Variants in PCDHA7 observed in about 807,000 individuals in gnomAD.
PCDHA7 encodes protocadherin alpha-7.
PCDHA7 carries 37 observed loss-of-function variants against 57.2 expected under a neutral mutation model. That is an observed-to-expected ratio of 0.65 (90% CI 0.50 to 0.85). The LOEUF (loss-of-function observed/expected upper bound fraction) is 0.85, where lower values mean the gene tolerates loss of function less well. Ranked by LOEUF, PCDHA7 falls within the 40% of genes least tolerant of loss-of-function variation. The pLI is 0.00. For synonymous variants in PCDHA7, 553 were observed against 558.8 expected, an observed-to-expected ratio of 0.99 and a Z score of 0.15; for missense variants, 1,188 against 1,241.8, an observed-to-expected ratio of 0.96 and a Z score of 0.65.
At chr5:140,982,713 A>G (rs2096998735) in intron 3 of PCDHA7, 150 bp downstream of exon 3, 2 of 1,373,774 alleles carry the variant, frequency 1.5e-6, no homozygotes, top group African/African-American at 1.5e-5. Flanking sequence ...CCTTACATAT[A>G]TGATTATTTT....
At chr5:140,922,386 T>G (rs1554200798) in intron 1 of PCDHA7, among the ~76,000 whole-genome samples, 1 of 152,194 alleles carries the variant, frequency 6.6e-6, no homozygotes, top group African/African-American at 2.4e-5. Context: ...AACCAAAGAC[T>G]CCTTGTTTTG....
intron 1 of PCDHA7, chr5:140,870,482 C>A (rs1298357431): frequency 6.2e-7 from 1 of 1,614,126 alleles, no homozygotes; most frequent in Non-Finnish European, 8.5e-7. Flanking sequence ...CCCGAGTACA[C>A]CGTGTTCGTG....
intron 1 of PCDHA7, chr5:140,864,601 A>C (rs2048532983): frequency 6.6e-6 from 1 of 152,200 alleles, no homozygotes; most frequent in Non-Finnish European, 1.5e-5. Context: ...TCAGATAGCC[A>C]ACAACTTTGT....
chr5:140,983,378 G>A (rs782292944), intron 3 of PCDHA7, among the ~76,000 whole-genome samples: 1 of 152,162 alleles, frequency 6.6e-6, no homozygotes, highest in Non-Finnish European at 1.5e-5. Flanking sequence ...GAGGCCCATC[G>A]CTGTGGCAGT....
intron 1 of PCDHA7, chr5:140,870,414 G>T: frequency 6.2e-7 from 1 of 1,614,230 alleles, no homozygotes; most frequent in Non-Finnish European, 8.5e-7. Context: ...TGTGGGCCAC[G>T]GCCAGGGTAT....
chr5:140,938,295 A>G (rs1458865676), intron 1 of PCDHA7, among the ~76,000 whole-genome samples: 1 of 152,190 alleles, frequency 6.6e-6, no homozygotes, highest in Non-Finnish European at 1.5e-5. Context: ...GTCATTGCCT[A>G]TGAAATTCAG....
chr5:140,968,866 A>G, intron 1 of PCDHA7: 1 of 1,614,230 alleles, frequency 6.2e-7, no homozygotes, highest in Non-Finnish European at 8.5e-7. Flanking sequence ...GCCCTCGGAC[A>G]TACTCTGAAA....
intron 1 of PCDHA7, chr5:140,877,640 G>T: frequency 6.2e-7 from 1 of 1,613,622 alleles, no homozygotes. Flanking sequence ...GCGCTGCGTT[G>T]CTCAGCGCCG....
At chr5:141,007,325 C>G (rs1303133451) in intron 3 of PCDHA7, among the ~76,000 whole-genome samples, 2 of 145,322 alleles carry the variant, frequency 1.4e-5, no homozygotes, top group Non-Finnish European at 3.0e-5. Flanking sequence ...CTAAAGTGGA[C>G]AGATTGCCTG....
intron 1 of PCDHA7, chr5:140,871,711 T>C (rs1554165833): frequency 1.2e-6 from 1 of 815,266 alleles, no homozygotes; most frequent in Middle Eastern, 3.7e-4. Flanking sequence ...ATAAATGTCC[T>C]ATTTCTCTTA....
At chr5:140,973,697 C>G (rs1474916406) in intron 1 of PCDHA7, among the ~76,000 whole-genome samples, 1 of 152,226 alleles carries the variant, frequency 6.6e-6, no homozygotes, top group Non-Finnish European at 1.5e-5. Context: ...CTGTTTCCTT[C>G]TGACCCAGGA....
At chr5:140,856,271 G>A (rs782472888) in intron 1 of PCDHA7, 1 of 1,598,148 alleles carries the variant, frequency 6.3e-7, no homozygotes, top group Admixed American at 1.7e-5. Flanking sequence ...GGACCTTCTG[G>A]AGGTAAATCT....
At position 140,847,428 on chromosome 5, in the gene PCDHA7, C is replaced by T. The variant is rs1464927725; in HGVS notation, c.2355+10690C>T. ...AAACACTCACGGTTTTGCCTTTAGA[C>T]TTGAGATACACTAAAATCTAGATTT... On this transcript the variant is annotated intron_variant, in intron 1 of 3. Coordinates refer to ENST00000525929, the MANE Select transcript of PCDHA7 (RefSeq NM_018910.3). 2.7e-5 allele frequency: 4 copies of T among 149,590 alleles called. 2 individuals are homozygous for T. Among genetic ancestry groups the T allele is most frequent in the Non-Finnish European group, 6.0e-5 (4 of 66,914 alleles). The allele number at this position is 149,590 out of a possible 1,614,324, so 9.3% of individuals were successfully genotyped here.
intron 1 of PCDHA7, chr5:140,850,077 C>T: frequency 6.3e-7 from 1 of 1,596,450 alleles, no homozygotes. Context: ...CCACGAGGAG[C>T]TGGAGCTGCT....
At chr5:140,991,447 C>T (rs1554252191) in intron 3 of PCDHA7, among the ~76,000 whole-genome samples, 1 of 152,162 alleles carries the variant, frequency 6.6e-6, no homozygotes, top group African/African-American at 2.4e-5. Context: ...TGGCTTAAAA[C>T]AACACAATGT....
intron 1 of PCDHA7, chr5:140,966,633 C>G (rs2096029445): frequency 8.9e-6 from 9 of 1,005,802 alleles, no homozygotes; most frequent in Non-Finnish European, 5.4e-6. Flanking sequence ...CGGCCCCAGG[C>G]GCTTTCTAGA....
chr5:140,877,014 C>T, intron 1 of PCDHA7: 4 of 1,612,440 alleles, frequency 2.5e-6, no homozygotes, highest in Non-Finnish European at 2.5e-6. Flanking sequence ...ACGCGGAGAG[C>T]GGCAAGGTGT....
At chr5:140,883,528 C>T in intron 1 of PCDHA7, 1 of 1,614,248 alleles carries the variant, frequency 6.2e-7, no homozygotes, top group South Asian at 1.1e-5. Flanking sequence ...GCGTATCAGC[C>T]TATGAACTGG....
chr5:140,929,364 A>C (rs782443919), intron 1 of PCDHA7: 3 of 1,521,318 alleles, frequency 2.0e-6, no homozygotes, highest in Admixed American at 2.2e-5. Flanking sequence ...TTTGGCCCGG[A>C]GATGGCTGCT....
Sources: gnomAD v4.1 joint callset for allele counts (sites outside exome capture counted in the v4.1 genomes callset) on GRCh38, gnomAD v4.1.1 for gene constraint, MANE v1.5 for transcripts, NCBI Gene and HGNC (gene_info 2026-07-23, HGNC 2026-07-21) for gene names.